The following SLC24A3 variants were observed in gnomAD, a reference collection of about 807,000 sequenced individuals.
SLC24A3 encodes the protein sodium/potassium/calcium exchanger 3.
SLC24A3 carries 28 observed loss-of-function variants against 75.8 expected under a neutral mutation model. The observed-to-expected ratio is 0.37, with a 90% confidence interval of 0.27 to 0.51. The LOEUF (loss-of-function observed/expected upper bound fraction) is 0.51, where lower values mean the gene tolerates loss of function less well. Ranked by LOEUF, SLC24A3 falls within the 20% of genes least tolerant of loss-of-function variation. The pLI is 0.94. For synonymous variants in SLC24A3, 372 were observed against 334.1 expected, an observed-to-expected ratio of 1.11 and a Z score of -1.24; for missense variants, 663 against 847.8, an observed-to-expected ratio of 0.78 and a Z score of 2.71.
intron 2 of SLC24A3, among the ~76,000 whole-genome samples, chr20:19,304,339 C>T (rs1984269147): frequency 6.6e-6 from 1 of 152,108 alleles, no homozygotes; most frequent in African/African-American, 2.4e-5. Context: ...ATTTGCGTAA[C>T]TTCTCGTAGT....
intron 2 of SLC24A3, among the ~76,000 whole-genome samples, chr20:19,472,126 G>A (rs994183590): frequency 6.6e-6 from 1 of 152,234 alleles, no homozygotes; most frequent in African/African-American, 2.4e-5. Context: ...TGGGGTGGGA[G>A]TTTAGGAACT....
chr20:19,600,078 T>C (rs184563402), intron 6 of SLC24A3, among the ~76,000 whole-genome samples: 3 of 152,212 alleles, frequency 2.0e-5, no homozygotes, highest in Non-Finnish European at 2.9e-5. Context: ...GGGGTCATTC[T>C]GAGGGAAGGC....
At position 19,574,376 on chromosome 20, in the gene SLC24A3, C is replaced by T. The variant is rs1256349748; in HGVS notation, c.349-5624C>T. On this transcript the variant is annotated intron_variant, in intron 3 of 16. Transcript: ENST00000328041. The stretch of plus-strand genomic sequence containing the variant: ...TACATCAAAGGACACTATCAACATA[C>T]TGACTGCCACAATAATGCTGCATAA... 2.6e-5 allele frequency among the ~76,000 whole-genome samples: 4 copies of T among 152,348 alleles called. No homozygotes were observed. In the East Asian group the frequency reaches 7.7e-4, roughly 29 times the overall value.
At chr20:19,584,072 AACTGGCTATTC>A (rs1312042443) in intron 4 of SLC24A3, among the ~76,000 whole-genome samples, 1 of 152,226 alleles carries the variant, frequency 6.6e-6, no homozygotes, top group African/African-American at 2.4e-5. Context: ...GCCAGGAGGG[AACTGGCTATTC>A]ACTGGCAGCC....
intron 2 of SLC24A3, among the ~76,000 whole-genome samples, chr20:19,471,547 C>A (rs1987870894): frequency 6.6e-6 from 1 of 152,116 alleles, no homozygotes; most frequent in African/African-American, 2.4e-5. Context: ...GGAGAAGTCC[C>A]TATTTCTGTG....
At chr20:19,654,171 GC>G in intron 7 of SLC24A3, 35 bp downstream of exon 7, 1 of 1,595,120 alleles carries the variant, frequency 6.3e-7, no homozygotes, top group South Asian at 1.1e-5. Flanking sequence ...TCCCATCAGT[GC>G]TCTTTTAAGC....
chr20:19,666,203 G>A (rs994565449), intron 8 of SLC24A3, among the ~76,000 whole-genome samples: 3 of 152,174 alleles, frequency 2.0e-5, no homozygotes, highest in African/African-American at 7.2e-5. Context: ...CTAGGGTAGA[G>A]TTAAGATTTG....
chr20:19,235,830 C>A (rs1180857543), intron 1 of SLC24A3, among the ~76,000 whole-genome samples: 1 of 152,200 alleles, frequency 6.6e-6, no homozygotes, highest in Non-Finnish European at 1.5e-5. Flanking sequence ...GCAGCCTGCA[C>A]CTGGAGCCTC....
At chr20:19,474,484 G>T (rs761561541) in intron 2 of SLC24A3, among the ~76,000 whole-genome samples, 2 of 152,198 alleles carry the variant, frequency 1.3e-5, no homozygotes, top group Non-Finnish European at 2.9e-5. Flanking sequence ...GCAGTTAGGG[G>T]TTTATCCTGG....
At chr20:19,649,649 A>T (rs2032178763) in intron 6 of SLC24A3, among the ~76,000 whole-genome samples, 1 of 151,944 alleles carries the variant, frequency 6.6e-6, no homozygotes, top group Non-Finnish European at 1.5e-5. Flanking sequence ...TTTTGGCTAC[A>T]ATTTCTATTA....
intron 2 of SLC24A3, among the ~76,000 whole-genome samples, chr20:19,480,300 T>G (rs1163892668): frequency 6.6e-6 from 1 of 152,158 alleles, no homozygotes; most frequent in Non-Finnish European, 1.5e-5. Context: ...TTTTCTCCTT[T>G]GGACTAGAGG....
intron 2 of SLC24A3, among the ~76,000 whole-genome samples, chr20:19,498,406 A>T (rs1407184162): frequency 6.6e-6 from 1 of 151,960 alleles, no homozygotes; most frequent in African/African-American, 2.4e-5. Flanking sequence ...AAGAGCCACA[A>T]CCTCATTCAA....
intron 3 of SLC24A3, among the ~76,000 whole-genome samples, chr20:19,544,622 T>C (rs1026047178): frequency 6.6e-6 from 1 of 151,896 alleles, no homozygotes; most frequent in Non-Finnish European, 1.5e-5. Flanking sequence ...CATTTTTTTT[T>C]AGCAAAGCAC....
chr20:19,469,209 G>T (rs1169566971), intron 2 of SLC24A3, among the ~76,000 whole-genome samples: 3 of 152,122 alleles, frequency 2.0e-5, no homozygotes, highest in Non-Finnish European at 4.4e-5. Flanking sequence ...TGTGCATGGG[G>T]CAGGCAGGAG....
intron 2 of SLC24A3, among the ~76,000 whole-genome samples, chr20:19,425,170 G>T (rs1986984577): frequency 2.0e-5 from 3 of 152,204 alleles, no homozygotes; most frequent in South Asian, 4.2e-4. Context: ...GGGCATGGTG[G>T]TGTGCACCTG....
intron 1 of SLC24A3, among the ~76,000 whole-genome samples, chr20:19,250,908 A>G (rs1982634405): frequency 1.3e-5 from 2 of 152,204 alleles, no homozygotes; most frequent in South Asian, 4.1e-4. Flanking sequence ...TGAGGCCTAG[A>G]CAAGTAAATT....
chr20:19,691,213 G>A (rs950089193), intron 12 of SLC24A3, among the ~76,000 whole-genome samples: 4 of 152,238 alleles, frequency 2.6e-5, no homozygotes, highest in Non-Finnish European at 5.9e-5. Flanking sequence ...AAGCTGGAGT[G>A]AGATGATGAG....
intron 2 of SLC24A3, among the ~76,000 whole-genome samples, chr20:19,343,316 A>G (rs972856488): frequency 8.6e-5 from 13 of 151,994 alleles, no homozygotes; most frequent in African/African-American, 2.9e-4. Context: ...TACCATTTCA[A>G]TTGTGTGACC....
chr20:19,398,995 T>C (rs1986504686), intron 2 of SLC24A3, among the ~76,000 whole-genome samples: 1 of 152,192 alleles, frequency 6.6e-6, no homozygotes, highest in Non-Finnish European at 1.5e-5. Context: ...AGATGAGGGC[T>C]ATTCAAATTA....
Sources: allele counts gnomAD v4.1 joint callset (sites outside exome capture counted in the v4.1 genomes callset), GRCh38; gene constraint gnomAD v4.1.1; transcripts MANE v1.5; gene names NCBI Gene and HGNC (gene_info 2026-07-23, HGNC 2026-07-21).